Variants in NEGR1 observed in about 807,000 individuals in gnomAD.
NEGR1 encodes the protein IgLON family member 4.
A neutral mutation model predicts 40.9 loss-of-function variants in NEGR1; 10 were observed. The observed-to-expected ratio is 0.24, with a 90% CI of 0.15 to 0.42. The LOEUF (loss-of-function observed/expected upper bound fraction) is 0.42. NEGR1 is among the 10% of genes least tolerant of loss of function. NEGR1 has a pLI of 1.00. For synonymous variants in NEGR1, 185 were observed against 166.8 expected (o/e 1.11, Z -0.84); for missense variants, 352 against 438.9 (o/e 0.80, Z 1.77).
chr1:72,202,763 C>T (rs1404666014), intron 1 of NEGR1, among the ~76,000 whole-genome samples: 1 of 152,004 alleles, frequency 6.6e-6, no homozygotes, highest in African/African-American at 2.4e-5. Context: ...GACAGGGTGA[C>T]TCTGTTAGCT....
intron 1 of NEGR1, among the ~76,000 whole-genome samples, chr1:72,208,001 G>C (rs1653471735): frequency 2.6e-5 from 4 of 151,612 alleles, no homozygotes. Context: ...TAAGTAAACT[G>C]ACACAATTCC....
intron 3 of NEGR1, among the ~76,000 whole-genome samples, chr1:71,770,442 T>C (rs1464348891): frequency 6.6e-6 from 1 of 152,220 alleles, no homozygotes; most frequent in East Asian, 1.9e-4. Context: ...GAGTCTTTGA[T>C]AATTTTACTA....
intron 6 of NEGR1, among the ~76,000 whole-genome samples, chr1:71,581,926 A>G (rs993712926): frequency 6.6e-6 from 1 of 151,714 alleles, no homozygotes; most frequent in South Asian, 2.1e-4. Flanking sequence ...CTGGTCTTAA[A>G]CTCCTGGGCT....
intron 4 of NEGR1, among the ~76,000 whole-genome samples, chr1:71,650,146 C>A (rs775412401): frequency 4.6e-5 from 7 of 152,048 alleles, no homozygotes; most frequent in Non-Finnish European, 1.0e-4. Flanking sequence ...AGATGAACTG[C>A]AGAAAAGCCT....
At chr1:71,932,367 T>C (rs1286315234) in intron 2 of NEGR1, among the ~76,000 whole-genome samples, 3 of 152,062 alleles carry the variant, frequency 2.0e-5, no homozygotes, top group Non-Finnish European at 4.4e-5. Flanking sequence ...TTGTCTTATG[T>C]CTCTTTTGAA....
intron 6 of NEGR1, among the ~76,000 whole-genome samples, chr1:71,541,659 C>T (rs1647707293): frequency 6.6e-6 from 1 of 151,738 alleles, no homozygotes; most frequent in Non-Finnish European, 1.5e-5. Context: ...ACAGCAGGAA[C>T]AGAACGGGCT....
intron 2 of NEGR1, among the ~76,000 whole-genome samples, chr1:71,804,476 G>A (rs557088508): frequency 8.9e-4 from 132 of 148,350 alleles, no homozygotes; most frequent in African/African-American, 3.1e-3. Context: ...CAGGGACCCC[G>A]AATGGAGGAA....
chr1:71,481,646 G>T (rs1203600831), intron 6 of NEGR1, among the ~76,000 whole-genome samples: 4 of 151,842 alleles, frequency 2.6e-5, no homozygotes, highest in African/African-American at 4.8e-5. Flanking sequence ...CATATTCATT[G>T]TATGTTCTTT....
intron 2 of NEGR1, among the ~76,000 whole-genome samples, chr1:71,929,038 C>T (rs1450319618): frequency 3.9e-5 from 6 of 152,030 alleles, no homozygotes; most frequent in East Asian, 1.9e-4. Flanking sequence ...TATTTGAGAT[C>T]ACTTTTAGCC....
chr1:71,923,090 A>G (rs962877653), intron 2 of NEGR1, among the ~76,000 whole-genome samples: 20 of 152,140 alleles, frequency 1.3e-4, no homozygotes, highest in African/African-American at 4.8e-4. Flanking sequence ...TCTATCATCC[A>G]TTAAATATTT....
At chr1:71,690,838 G>A (rs2101621822) in intron 4 of NEGR1, among the ~76,000 whole-genome samples, 1 of 151,942 alleles carries the variant, frequency 6.6e-6, no homozygotes, top group African/African-American at 2.4e-5. Flanking sequence ...ATTTTTTGAA[G>A]TGATGATTGC....
intron 1 of NEGR1, among the ~76,000 whole-genome samples, chr1:72,170,779 T>G (rs1462784724): frequency 1.3e-5 from 2 of 152,194 alleles, no homozygotes; most frequent in Non-Finnish European, 2.9e-5. Context: ...TTTTTGGGTT[T>G]CCTTAAGGAC....
chr1:71,575,446 A>C (rs972266506), intron 6 of NEGR1, among the ~76,000 whole-genome samples: 4 of 152,184 alleles, frequency 2.6e-5, no homozygotes, highest in Non-Finnish European at 5.9e-5. Flanking sequence ...GAGGATAGTA[A>C]GTGAGGCATT....
chr1:71,760,611 C>G (rs982601347), intron 3 of NEGR1, among the ~76,000 whole-genome samples: 7 of 152,156 alleles, frequency 4.6e-5, no homozygotes, highest in African/African-American at 1.7e-4. Context: ...GAATGCAACT[C>G]TGCAATGGAA....
At chr1:71,529,908 A>C (rs2101442395) in intron 6 of NEGR1, among the ~76,000 whole-genome samples, 1 of 151,326 alleles carries the variant, frequency 6.6e-6, no homozygotes, top group Non-Finnish European at 1.5e-5. Context: ...TTAATAATTC[A>C]ATTTTCATTC....
intron 3 of NEGR1, among the ~76,000 whole-genome samples, chr1:71,715,153 C>A (rs960362030): frequency 3.3e-5 from 5 of 152,228 alleles, no homozygotes; most frequent in Non-Finnish European, 7.3e-5. Flanking sequence ...GGCTTGCACC[C>A]TCTGAAGCCC....
chr1:71,645,340 A>G (rs1651495157), intron 4 of NEGR1, among the ~76,000 whole-genome samples: 1 of 152,032 alleles, frequency 6.6e-6, no homozygotes, highest in Non-Finnish European at 1.5e-5. Context: ...TAAGAATAAC[A>G]GCTCAATATA....
intron 1 of NEGR1, among the ~76,000 whole-genome samples, chr1:72,213,317 A>G (rs1164526675): frequency 6.6e-6 from 1 of 152,044 alleles, no homozygotes; most frequent in East Asian, 1.9e-4. Flanking sequence ...CTTTTGCAAA[A>G]TGGACTCAGT....
intron 2 of NEGR1, among the ~76,000 whole-genome samples, chr1:71,847,393 C>A (rs1293564862): frequency 1.3e-5 from 2 of 152,098 alleles, no homozygotes; most frequent in African/African-American, 2.4e-5. Context: ...CTGTGTCCAG[C>A]GAGTCTATCA....
Sources: gnomAD v4.1 joint callset for allele counts (sites outside exome capture counted in the v4.1 genomes callset) on GRCh38, gnomAD v4.1.1 for gene constraint, MANE v1.5 for transcripts, NCBI Gene and HGNC (gene_info 2026-07-23, HGNC 2026-07-21) for gene names.